Variants in MIPOL1 observed in about 807,000 individuals in gnomAD.
MIPOL1 encodes the protein mirror-image polydactyly 1.
Under a neutral mutation model 60.9 loss-of-function variants are expected in MIPOL1, and 57 were observed. The ratio of observed to expected loss-of-function variants is 0.94; its 90% CI spans 0.76 to 1.17. The LOEUF (loss-of-function observed/expected upper bound fraction) is 1.17, where lower values mean the gene tolerates loss of function less well. Among genes scored for constraint, MIPOL1 ranks in the 50% most tolerant of loss-of-function variants. The pLI is 0.00. For missense variants in MIPOL1, 551 were observed against 511.6 expected, an observed-to-expected ratio of 1.08 and a Z score of -0.74; for synonymous variants, 179 against 168.8, an observed-to-expected ratio of 1.06 and a Z score of -0.47.
chr14:37,381,204 C>G (rs2092914838), intron 10 of MIPOL1, among the ~76,000 whole-genome samples: 2 of 152,046 alleles, frequency 1.3e-5, no homozygotes, highest in Admixed American at 6.6e-5. Flanking sequence ...CTGCCCACAT[C>G]AATAGTAGGT....
intron 9 of MIPOL1, among the ~76,000 whole-genome samples, chr14:37,338,464 A>G (rs1398284891): frequency 1.3e-5 from 2 of 151,134 alleles, no homozygotes; most frequent in African/African-American, 4.9e-5. Context: ...GCTAGAATGC[A>G]GTGGTGTGAT....
intron 9 of MIPOL1, among the ~76,000 whole-genome samples, chr14:37,363,656 T>G (rs2092365555): frequency 6.6e-6 from 1 of 152,162 alleles, no homozygotes; most frequent in East Asian, 1.9e-4. Flanking sequence ...GAACCACTGC[T>G]CTCTTCAGAG....
At chr14:37,292,868 C>G (rs1363809363) in intron 7 of MIPOL1, among the ~76,000 whole-genome samples, 1 of 152,078 alleles carries the variant, frequency 6.6e-6, no homozygotes, top group Non-Finnish European at 1.5e-5. Flanking sequence ...TTCTATATAA[C>G]CCTAGGGCAA....
chr14:37,256,002 T>A (rs1351386879), intron 3 of MIPOL1, among the ~76,000 whole-genome samples: 1 of 151,822 alleles, frequency 6.6e-6, no homozygotes, highest in Non-Finnish European at 1.5e-5. Context: ...CTCAATATTT[T>A]AAAAATTAAC....
intron 9 of MIPOL1, among the ~76,000 whole-genome samples, chr14:37,316,351 G>T (rs2087891699): frequency 6.6e-6 from 1 of 151,906 alleles, no homozygotes; most frequent in Non-Finnish European, 1.5e-5. Flanking sequence ...TCTAAAAGAT[G>T]AGCGTAGTCA....
intron 9 of MIPOL1, among the ~76,000 whole-genome samples, chr14:37,361,606 CTCTCT>C (rs2092249920): frequency 7.8e-6 from 1 of 128,270 alleles, no homozygotes. Context: ...TTCTCCCTCT[CTCTCT>C]TTTTTTTTTT....
At chr14:37,461,163 C>T (rs1329566366) in intron 11 of MIPOL1, among the ~76,000 whole-genome samples, 1 of 152,116 alleles carries the variant, frequency 6.6e-6, no homozygotes, top group Non-Finnish European at 1.5e-5. Flanking sequence ...TCTGTTTTCA[C>T]ACTGCTGATA....
At chr14:37,441,107 T>G (rs79690893) in intron 11 of MIPOL1, among the ~76,000 whole-genome samples, 3 of 152,136 alleles carry the variant, frequency 2.0e-5, no homozygotes, top group African/African-American at 2.4e-5. Context: ...AATGGGATTA[T>G]TTGGTTTTGC....
chr14:37,466,379 T>C (rs1566655787), intron 11 of MIPOL1, among the ~76,000 whole-genome samples: 1 of 152,218 alleles, frequency 6.6e-6, no homozygotes, highest in Non-Finnish European at 1.5e-5. Flanking sequence ...CAAATGCTTT[T>C]ACACCTACAC....
At chr14:37,511,994 G>GA (rs1028052974) in intron 12 of MIPOL1, among the ~76,000 whole-genome samples, 3 of 152,074 alleles carry the variant, frequency 2.0e-5, no homozygotes, top group African/African-American at 7.2e-5. Context: ...TTTCTAAAAA[G>GA]AAAAAATCCA....
intron 9 of MIPOL1, among the ~76,000 whole-genome samples, chr14:37,332,144 A>C (rs1312611670): frequency 6.6e-6 from 1 of 152,120 alleles, no homozygotes; most frequent in Non-Finnish European, 1.5e-5. Flanking sequence ...CTCAAAAAAA[A>C]AAAGGCACTT....
intron 1 of MIPOL1, among the ~76,000 whole-genome samples, chr14:37,223,564 G>A (rs537996148): frequency 9.2e-5 from 14 of 151,732 alleles, no homozygotes; most frequent in South Asian, 2.1e-4. Flanking sequence ...GTGCAATGGC[G>A]CGATCTCGGC....
At chr14:37,202,363 C>T (rs1466763194) in intron 1 of MIPOL1, among the ~76,000 whole-genome samples, 1 of 150,518 alleles carries the variant, frequency 6.6e-6, no homozygotes, top group Non-Finnish European at 1.5e-5. Context: ...AATTCTGGAT[C>T]CAGTACATAC....
chr14:37,543,961 A>G (rs1206951210), intron 12 of MIPOL1, among the ~76,000 whole-genome samples: 2 of 152,236 alleles, frequency 1.3e-5, no homozygotes, highest in Non-Finnish European at 2.9e-5. Context: ...GGATGGCAAC[A>G]TTAATCAAGA....
chr14:37,449,817 T>G (rs2094391580), intron 11 of MIPOL1, among the ~76,000 whole-genome samples: 2 of 152,028 alleles, frequency 1.3e-5, no homozygotes, highest in African/African-American at 4.8e-5. Context: ...TTTATTTACT[T>G]AATTTATTTT....
intron 11 of MIPOL1, among the ~76,000 whole-genome samples, chr14:37,459,024 G>A (rs2094509136): frequency 1.3e-5 from 2 of 151,930 alleles, no homozygotes; most frequent in South Asian, 2.1e-4. Context: ...GTGCTAAGAG[G>A]AAAGTTTATA....
At chr14:37,285,596 CT>C (rs767127738) in intron 7 of MIPOL1, 149 bp downstream of exon 7, 47,544 of 593,872 alleles carry the variant, frequency 0.08, no homozygotes, top group South Asian at 0.11. Flanking sequence ...TTTTTCTTTT[CT>C]TTTTTTTTTT....
At chr14:37,375,050 T>C (rs1049462355) in intron 10 of MIPOL1, among the ~76,000 whole-genome samples, 1 of 152,132 alleles carries the variant, frequency 6.6e-6, no homozygotes, top group Non-Finnish European at 1.5e-5. Context: ...TGTCCTCTTT[T>C]ATTTTGTTGA....
chr14:37,220,842 C>T (rs1414044065), intron 1 of MIPOL1, among the ~76,000 whole-genome samples: 2 of 152,112 alleles, frequency 1.3e-5, no homozygotes, highest in Non-Finnish European at 2.9e-5. Flanking sequence ...GTGGCATGAT[C>T]ATAGCTTACT....
Sources: allele counts gnomAD v4.1 joint callset (sites outside exome capture counted in the v4.1 genomes callset), GRCh38; gene constraint gnomAD v4.1.1; transcripts MANE v1.5; gene names NCBI Gene and HGNC (gene_info 2026-07-23, HGNC 2026-07-21).